Variants in SHISA9 observed in about 807,000 individuals in gnomAD.
SHISA9 encodes the protein protein shisa-9.
In SHISA9, 13 loss-of-function variants were observed where a neutral mutation model predicts 38.0. That is an observed-to-expected ratio of 0.34 (90% CI 0.22 to 0.54). The LOEUF (loss-of-function observed/expected upper bound fraction) is 0.54, where lower values mean the gene tolerates loss of function less well. Among genes scored for constraint, SHISA9 ranks in the 20% least tolerant of loss-of-function variants. SHISA9 has a pLI of 0.91. For synonymous variants in SHISA9, 275 were observed against 242.0 expected, an observed-to-expected ratio of 1.14 and a Z score of -1.27; for missense variants, 538 against 575.8, an observed-to-expected ratio of 0.93 and a Z score of 0.67.
rs577494711 is a variant in SHISA9 at position 13,213,243 on chromosome 16, A to G, written c.848-10A>G. The G allele has an allele frequency of 6.4e-6, 10 of 1,551,396 alleles. No individual in the cohort carries two copies. The East Asian group carries it at 2.2e-4, about 34-fold the overall frequency. On this transcript the variant is annotated splice_polypyrimidine_tract_variant and intron_variant, in intron 3 of 4. Coordinates refer to ENST00000558583, the MANE Select transcript of SHISA9 (RefSeq NM_001145204.3). ...AGATCATCAGCATTTCTTGATTGTT[A>G]TTTTTTTAGGAAGTTCTGATGGTGA... is the stretch of plus-strand genomic sequence containing the variant.
intron 2 of SHISA9, among the ~76,000 whole-genome samples, chr16:13,030,960 G>C (rs1484196688): frequency 1.3e-5 from 2 of 152,174 alleles, no homozygotes; most frequent in Non-Finnish European, 2.9e-5. Context: ...CTCAGTGTCA[G>C]ATTAATGAGC....
intron 2 of SHISA9, among the ~76,000 whole-genome samples, chr16:13,142,439 C>A (rs560364259): frequency 2.6e-5 from 4 of 152,130 alleles, no homozygotes; most frequent in Non-Finnish European, 5.9e-5. Context: ...TGGCTAGATG[C>A]AGGTAATCAG....
the SHISA9 span, among the ~76,000 whole-genome samples, chr16:13,450,722 C>T: frequency 6.6e-6 from 1 of 152,230 alleles, no homozygotes; most frequent in South Asian, 2.1e-4. Context: ...TAAGGTCACA[C>T]AGCTGAATTT....
the SHISA9 span, among the ~76,000 whole-genome samples, chr16:13,424,481 G>A: frequency 6.6e-6 from 1 of 152,192 alleles, no homozygotes; most frequent in African/African-American, 2.4e-5. Context: ...CCTGACTGCA[G>A]TAAGATTGGG....
chr16:13,091,846 C>T (rs954864173), intron 2 of SHISA9, among the ~76,000 whole-genome samples: 7 of 152,166 alleles, frequency 4.6e-5, no homozygotes, highest in African/African-American at 1.4e-4. Context: ...TTCCGTTGCT[C>T]GCTAGGAACT....
At chr16:12,965,102 A>G (rs556322744) in intron 2 of SHISA9, among the ~76,000 whole-genome samples, 3 of 152,172 alleles carry the variant, frequency 2.0e-5, no homozygotes, top group East Asian at 1.9e-4. Flanking sequence ...TGGTCTAGCA[A>G]TGTCACCAAG....
At chr16:13,295,190 G>C in the SHISA9 span, among the ~76,000 whole-genome samples, 1 of 152,024 alleles carries the variant, frequency 6.6e-6, no homozygotes, top group African/African-American at 2.4e-5. Context: ...AACCATTCAA[G>C]TTTTACACTT....
chr16:12,902,969 G>C (rs2071041023), intron 1 of SHISA9: 1 of 279,642 alleles, frequency 3.6e-6, no homozygotes, highest in Non-Finnish European at 6.7e-6. Flanking sequence ...CTTCGGGTTT[G>C]GGGAGAGGGT....
intron 2 of SHISA9, among the ~76,000 whole-genome samples, chr16:12,933,602 C>G (rs558713149): frequency 1.4e-4 from 21 of 152,116 alleles, no homozygotes; most frequent in Admixed American, 6.6e-5. Context: ...CCAGAATTGT[C>G]TTTTAATAGT....
the SHISA9 span, among the ~76,000 whole-genome samples, chr16:13,485,686 A>C: frequency 6.6e-6 from 1 of 152,212 alleles, no homozygotes; most frequent in East Asian, 1.9e-4. Context: ...TTTGAAATAT[A>C]CAATAAGTTA....
the SHISA9 span, among the ~76,000 whole-genome samples, chr16:13,333,698 T>G: frequency 2.6e-5 from 4 of 152,194 alleles, no homozygotes; most frequent in African/African-American, 7.2e-5. Flanking sequence ...TAAAAACCAT[T>G]AGAAATAAAA....
At chr16:13,147,426 G>A (rs1490821906) in intron 2 of SHISA9, among the ~76,000 whole-genome samples, 2 of 108,076 alleles carry the variant, frequency 1.9e-5, no homozygotes, top group Non-Finnish European at 3.9e-5. Flanking sequence ...GCTACACTGT[G>A]TTTTCTTCAT....
chr16:12,978,007 A>G (rs1019642628), intron 2 of SHISA9, among the ~76,000 whole-genome samples: 3 of 152,170 alleles, frequency 2.0e-5, no homozygotes, highest in African/African-American at 7.2e-5. Context: ...TAAGAAAAAA[A>G]GAATGAGAAG....
the SHISA9 span, among the ~76,000 whole-genome samples, chr16:13,421,613 C>T: frequency 6.6e-6 from 1 of 152,126 alleles, no homozygotes; most frequent in Admixed American, 6.5e-5. Context: ...AGAGCCAAAC[C>T]ATATCAGTCT....
the SHISA9 span, among the ~76,000 whole-genome samples, chr16:13,368,781 AG>A: frequency 6.6e-6 from 1 of 152,042 alleles, no homozygotes; most frequent in Non-Finnish European, 1.5e-5. Context: ...AAAATATTAG[AG>A]CTACTAATAA....
At chr16:13,345,788 C>A in the SHISA9 span, among the ~76,000 whole-genome samples, 1 of 152,086 alleles carries the variant, frequency 6.6e-6, no homozygotes. Context: ...TTAATAATAG[C>A]CATTCTGACT....
At chr16:13,156,216 C>T (rs552176089) in intron 2 of SHISA9, among the ~76,000 whole-genome samples, 26 of 152,160 alleles carry the variant, frequency 1.7e-4, no homozygotes, top group African/African-American at 4.3e-4. Context: ...AATAGAAAAC[C>T]GTGTACACGC....
intron 2 of SHISA9, among the ~76,000 whole-genome samples, chr16:13,076,125 T>C (rs1024121037): frequency 3.3e-5 from 5 of 150,982 alleles, no homozygotes; most frequent in African/African-American, 9.8e-5. Context: ...CCACCTCCCA[T>C]GTTCAAGCGA....
chr16:13,111,486 C>G (rs891826337), intron 2 of SHISA9, among the ~76,000 whole-genome samples: 24 of 152,084 alleles, frequency 1.6e-4, no homozygotes, highest in African/African-American at 4.8e-4. Context: ...CCTTGGTTTT[C>G]TCATCTGTAA....
Sources: gnomAD v4.1 joint callset for allele counts (sites outside exome capture counted in the v4.1 genomes callset) on GRCh38, gnomAD v4.1.1 for gene constraint, MANE v1.5 for transcripts, NCBI Gene and HGNC (gene_info 2026-07-23, HGNC 2026-07-21) for gene names.